OTUD4: variants seen among roughly 807,000 people sequenced by gnomAD.
OTUD4 encodes OTU deubiquitinase 4.
In OTUD4, 24 loss-of-function variants were observed where a neutral mutation model predicts 130.4. That is an observed-to-expected ratio of 0.18 (90% confidence interval 0.13 to 0.26). The LOEUF is 0.26. Among genes scored for constraint, OTUD4 ranks in the 10% least tolerant of loss-of-function variants. The probability of loss-of-function intolerance (pLI) is 1.00; values close to 1 mark genes in which losing one functional copy is unlikely to be tolerated. For missense variants in OTUD4, 1,031 were observed against 1,329.4 expected, an observed-to-expected ratio of 0.78 and a Z score of 3.49; for synonymous variants, 420 against 472.5, an observed-to-expected ratio of 0.89 and a Z score of 1.44.
At chr4:145,144,514 C>T (rs1219236366) in intron 14 of OTUD4, 80 bp from the exon 15 acceptor site, 5 of 1,325,692 alleles carry the variant, frequency 3.8e-6, no homozygotes, top group Non-Finnish European at 5.3e-6. Context: ...ATTAATCTCA[C>T]TCTTCATACT....
rs186199818 is a variant in OTUD4, at chr4:145,144,520, A to C, written c.1423-86T>G. ...AATTCTGTAATTAATCTCACTCTTC[A>C]TACTTCTAAAATCTTAAAATTCACA... On this transcript the variant is annotated intron_variant, in intron 14 of 20. Transcript: ENST00000447906. The C allele has an allele frequency of 5.5e-5, 71 of 1,301,016 alleles. No individual in the cohort carries two copies. In the African/African-American group the frequency reaches 8.6e-4, roughly 16 times the overall value. The allele number at this position is 1,301,016 out of a possible 1,614,324, so 80.6% of individuals were successfully genotyped here. A position where few individuals can be genotyped will look rare whatever the true frequency, so the allele number is the denominator to read the frequency against.
At chr4:145,140,868 A>ATT (rs10648147) in intron 19 of OTUD4, among the ~76,000 whole-genome samples, 44 of 1,482 alleles carry the variant, frequency 0.03, no homozygotes, top group Non-Finnish European at 0.046. Flanking sequence ...TGCTAGAAAC[A>ATT]AAAAAAAATT....
In OTUD4 at chr4:145,137,796, T is replaced by C; in HGVS notation, c.2979A>G (p.Glu993=). The C allele has an allele frequency of 6.2e-7, 1 of 1,614,086 alleles. No individual in the cohort carries two copies. Among genetic ancestry groups the C allele is most frequent in the Non-Finnish European group, 8.5e-7 (1 of 1,180,016 alleles). ...RTIQSLKEKT[E]KVKDPKTAAD... ...CAGCAGTCTTAGGATCTTTTACTTT[T>C]TCTGTTTTTTCTTTCAGGCTTTGAA... The change falls in exon 21 of 21, where the codon GAA becomes GAG. Residue 993 remains glutamate, a synonymous_variant. Coordinates refer to ENST00000447906, the MANE Select transcript of OTUD4 (RefSeq NM_001366057.1).
chr4:145,143,986 T>C lies in OTUD4; in HGVS notation c.1562A>G (p.His521Arg), dbSNP rs1375994743. Residue 521 changes from histidine (H) to arginine (R), a missense_variant, in exon 16 of 21, where the codon CAT (histidine) becomes CGT (arginine). By Grantham distance (29) the His-to-Arg change is conservative. Coordinates refer to ENST00000447906, the MANE Select transcript of OTUD4 (RefSeq NM_001366057.1). The part of the protein sequence containing the change: ...ERKDKDSIHG[H>R]SQLDKRPEPS... ...TTCGGGTCTTTTATCCAACTGACTATGTCCATGAATAGAGTCTATAGCAGA... is the reference window on the plus strand; with the variant it reads ...TTCGGGTCTTTTATCCAACTGACTACGTCCATGAATAGAGTCTATAGCAGA... The C allele has an allele frequency of 6.2e-7, 1 of 1,612,620 alleles. No individual in the cohort carries two copies. Among genetic ancestry groups the C allele is most frequent in the African/African-American group, 1.3e-5 (1 of 74,902 alleles).
rs1378387555 is a variant in OTUD4 at position 145,135,984 on chromosome 4, G to C, written c.*1446C>G. The C allele has an allele frequency of 6.6e-6, 1 of 151,842 alleles. No individual in the cohort carries two copies. The highest frequency in any genetic ancestry group is 1.5e-5 in the Non-Finnish European group (1 of 67,468). 9.4% of individuals were successfully genotyped at this position (151,842 alleles called of 1,614,324 possible). A position where few individuals can be genotyped will look rare whatever the true frequency, so the allele number is the denominator to read the frequency against. On this transcript the variant is annotated 3_prime_UTR_variant, in exon 21 of 21. Coordinates refer to ENST00000447906, the MANE Select transcript of OTUD4 (RefSeq NM_001366057.1). ...TTAAGTAATTTGCTTTACAAAAAAA[G>C]AAAGTCACCGCATCTGGTTTTGGCT...
chr4:145,178,787 C>A (rs1340546384), intron 1 of OTUD4, among the ~76,000 whole-genome samples: 2 of 152,100 alleles, frequency 1.3e-5, no homozygotes, highest in African/African-American at 4.8e-5. Context: ...AACATTTACT[C>A]ACAAATAGAA....
chr4:145,146,543 A>C, intron 13 of OTUD4, 114 bp from the exon 14 acceptor site: 1 of 613,500 alleles, frequency 1.6e-6, no homozygotes, highest in Non-Finnish European at 2.5e-6. Context: ...CCTAAAATAA[A>C]ATGATCTATT....
At chr4:145,179,545 G>A (rs1221938792) in intron 1 of OTUD4, 4 of 1,166,094 alleles carry the variant, frequency 3.4e-6, no homozygotes, top group Non-Finnish European at 2.2e-6. Flanking sequence ...TACAAGCTCC[G>A]AGCAGGCCTC....
At chr4:145,156,306 T>C (rs1295038268) in intron 7 of OTUD4, among the ~76,000 whole-genome samples, 1 of 152,222 alleles carries the variant, frequency 6.6e-6, no homozygotes, top group Non-Finnish European at 1.5e-5. Flanking sequence ...TTCCTTTTAA[T>C]ATACACATGA....
chr4:145,138,895 G>A (rs1036891635), intron 20 of OTUD4, among the ~76,000 whole-genome samples: 1 of 152,204 alleles, frequency 6.6e-6, no homozygotes, highest in Non-Finnish European at 1.5e-5. Context: ...TAGGTTGATA[G>A]GAGATAGTAT....
At chr4:145,174,006 A>ATTTT (rs35026013) in intron 2 of OTUD4, among the ~76,000 whole-genome samples, 1 of 136,534 alleles carries the variant, frequency 7.3e-6, no homozygotes, top group African/African-American at 2.8e-5. Flanking sequence ...GCAAGTCTGA[A>ATTTT]TTTTTTTTTT....
chr4:145,172,886 T>C (rs1231698873), intron 2 of OTUD4, among the ~76,000 whole-genome samples: 4 of 152,052 alleles, frequency 2.6e-5, no homozygotes, highest in Admixed American at 6.5e-5. Context: ...ACTGCAGAAT[T>C]CTGACACAAG....
At chr4:145,142,102 A>C in intron 18 of OTUD4, 94 bp downstream of exon 18, 1 of 1,092,728 alleles carries the variant, frequency 9.2e-7, no homozygotes, top group South Asian at 1.4e-5. Context: ...CACACACCTA[A>C]TCCTGCTCAG....
At chr4:145,143,497 G>C (rs764817261) in intron 16 of OTUD4, 52 bp from the exon 17 acceptor site, 2 of 1,039,962 alleles carry the variant, frequency 1.9e-6, no homozygotes, top group Admixed American at 3.7e-5. Context: ...CCCACATTCT[G>C]GAATATTGAT....
At chr4:145,174,922 C>A (rs976228879) in intron 1 of OTUD4, among the ~76,000 whole-genome samples, 178 bp from the exon 2 acceptor site, 1 of 152,160 alleles carries the variant, frequency 6.6e-6, no homozygotes, top group South Asian at 2.1e-4. Flanking sequence ...CTAAGCACAG[C>A]GAAGACATGA....
At chr4:145,146,241 C>T (rs1750815793) in intron 14 of OTUD4, 26 bp downstream of exon 14, 4 of 1,448,162 alleles carry the variant, frequency 2.8e-6, no homozygotes, top group Non-Finnish European at 3.6e-6. Flanking sequence ...TGTATAATGA[C>T]TTTTAAACTG....
intron 7 of OTUD4, 96 bp downstream of exon 7, chr4:145,159,407 T>C (rs1751445469): frequency 7.6e-6 from 12 of 1,586,794 alleles, no homozygotes; most frequent in Non-Finnish European, 9.4e-6. Context: ...AATACCTCAA[T>C]ATATGTTATA....
chr4:145,138,712 T>C, intron 20 of OTUD4, 62 bp from the exon 21 acceptor site: 1 of 1,465,018 alleles, frequency 6.8e-7, no homozygotes, highest in Non-Finnish European at 9.2e-7. Flanking sequence ...TTTGGGTGGA[T>C]ATCAATCTAC....
chr4:145,167,395 T>C (rs1332938159), intron 3 of OTUD4, among the ~76,000 whole-genome samples: 7 of 152,220 alleles, frequency 4.6e-5, no homozygotes, highest in Admixed American at 3.9e-4. Flanking sequence ...TATATTAAAA[T>C]AGATCTCTTA....
Sources: gnomAD v4.1 joint callset for allele counts (sites outside exome capture counted in the v4.1 genomes callset) on GRCh38, gnomAD v4.1.1 for gene constraint, MANE v1.5 for transcripts, NCBI Gene and HGNC (gene_info 2026-07-23, HGNC 2026-07-21) for gene names.